The following IQCM variants were observed in gnomAD, a reference collection of about 807,000 sequenced individuals.
IQCM encodes the protein IQ motif containing M.
Under a neutral mutation model 57.6 loss-of-function variants are expected in IQCM, and 45 were observed. That is an observed-to-expected ratio of 0.78 (90% CI 0.62 to 1.00). The LOEUF is 1.00. Among genes scored for constraint, IQCM ranks in the 50% least tolerant of loss-of-function variants. The probability of loss-of-function intolerance (pLI) is 0.00; values close to 1 mark genes in which losing one functional copy is unlikely to be tolerated. For synonymous variants in IQCM, 148 were observed against 158.9 expected (o/e 0.93, Z 0.51); for missense variants, 468 against 511.6 (o/e 0.91, Z 0.82).
At chr4:149,365,210 G>C (rs1729749542) in intron 13 of IQCM, among the ~76,000 whole-genome samples, 1 of 152,042 alleles carries the variant, frequency 6.6e-6, no homozygotes, top group African/African-American at 2.4e-5. Flanking sequence ...TGTAGTGACA[G>C]CAAGTAAGGA....
intron 7 of IQCM, among the ~76,000 whole-genome samples, chr4:149,663,631 CT>C (rs138216788): frequency 6.6e-6 from 1 of 151,510 alleles, no homozygotes; most frequent in East Asian, 2.0e-4. Context: ...AGTTGGTTTT[CT>C]TTTTTTTAGT....
chr4:149,415,257 A>G (rs779006943), intron 13 of IQCM, among the ~76,000 whole-genome samples: 10 of 152,198 alleles, frequency 6.6e-5, no homozygotes, highest in East Asian at 1.9e-4. Flanking sequence ...AAGCTCAATC[A>G]CCATTTCTTG....
intron 8 of IQCM, among the ~76,000 whole-genome samples, chr4:149,613,838 C>A (rs1298111212): frequency 1.3e-5 from 2 of 151,966 alleles, no homozygotes; most frequent in Non-Finnish European, 2.9e-5. Flanking sequence ...TTTGTCCTTG[C>A]AATAGTTTGC....
intron 13 of IQCM, among the ~76,000 whole-genome samples, chr4:149,366,639 C>G (rs946271354): frequency 2.0e-5 from 3 of 151,618 alleles, no homozygotes; most frequent in Non-Finnish European, 4.4e-5. Flanking sequence ...AGTGGAAAGT[C>G]GATTAGCTTA....
intron 12 of IQCM, among the ~76,000 whole-genome samples, chr4:149,542,202 TAAAGG>T (rs975258317): frequency 1.3e-5 from 2 of 152,074 alleles, no homozygotes; most frequent in South Asian, 2.1e-4. Flanking sequence ...CCCCTTTCTG[TAAAGG>T]AAAGTTTCCC....
chr4:149,441,991 C>A (rs558056667), intron 12 of IQCM, among the ~76,000 whole-genome samples: 1 of 152,220 alleles, frequency 6.6e-6, no homozygotes, highest in East Asian at 1.9e-4. Flanking sequence ...GTTGCTAGCA[C>A]CTTGATCTTG....
At chr4:149,751,832 G>A (rs534236912) in intron 2 of IQCM, among the ~76,000 whole-genome samples, 7 of 152,222 alleles carry the variant, frequency 4.6e-5, no homozygotes, top group African/African-American at 7.2e-5. Context: ...CAGCAGACTC[G>A]GGGAGGGTGG....
intron 12 of IQCM, among the ~76,000 whole-genome samples, chr4:149,526,032 A>C (rs535291309): frequency 6.6e-6 from 1 of 152,076 alleles, no homozygotes; most frequent in African/African-American, 2.4e-5. Context: ...CACACTCATC[A>C]CATTGGCAAA....
At chr4:149,702,571 C>T (rs766697422) in intron 5 of IQCM, among the ~76,000 whole-genome samples, 1 of 151,860 alleles carries the variant, frequency 6.6e-6, no homozygotes, top group Non-Finnish European at 1.5e-5. Context: ...AAGATGCCTC[C>T]TCAAGTTCAA....
chr4:149,654,417 C>T (rs1340301675), intron 7 of IQCM, among the ~76,000 whole-genome samples: 5 of 151,926 alleles, frequency 3.3e-5, no homozygotes, highest in African/African-American at 1.2e-4. Flanking sequence ...TGTGTGGCAC[C>T]AACTCCCTCA....
At chr4:149,398,373 G>C (rs1038178273) in intron 13 of IQCM, among the ~76,000 whole-genome samples, 2 of 151,924 alleles carry the variant, frequency 1.3e-5, no homozygotes, top group African/African-American at 4.8e-5. Flanking sequence ...ATGAATTATA[G>C]AATTTTTTTC....
At chr4:149,737,796 G>C (rs548634579) in intron 3 of IQCM, 1 of 152,266 alleles carries the variant, frequency 6.6e-6, no homozygotes, top group African/African-American at 2.4e-5. Flanking sequence ...TTACTTCATG[G>C]AGGAAAGCCA....
At chr4:149,506,901 T>C (rs1743876375) in intron 12 of IQCM, among the ~76,000 whole-genome samples, 1 of 152,106 alleles carries the variant, frequency 6.6e-6, no homozygotes, top group Non-Finnish European at 1.5e-5. Context: ...AGTGAAAGAA[T>C]AAATGATACT....
intron 2 of IQCM, among the ~76,000 whole-genome samples, chr4:149,802,800 A>G (rs1174114518): frequency 6.6e-6 from 1 of 151,946 alleles, no homozygotes; most frequent in Admixed American, 6.6e-5. Flanking sequence ...GATATTTCCT[A>G]AAAGTTCTTT....
At chr4:149,487,167 T>A (rs897424990) in intron 12 of IQCM, among the ~76,000 whole-genome samples, 4 of 152,074 alleles carry the variant, frequency 2.6e-5, no homozygotes, top group African/African-American at 9.7e-5. Flanking sequence ...AAAGACTGGA[T>A]CCTTCCCTTC....
At chr4:149,588,719 C>T (rs1377811373) in intron 8 of IQCM, among the ~76,000 whole-genome samples, 1 of 151,874 alleles carries the variant, frequency 6.6e-6, no homozygotes, top group Non-Finnish European at 1.5e-5. Context: ...ACCCCACGGA[C>T]ACCTTAATCT....
At chr4:149,567,111 C>A (rs957362185) in intron 9 of IQCM, among the ~76,000 whole-genome samples, 1 of 152,092 alleles carries the variant, frequency 6.6e-6, no homozygotes. Context: ...GCCCAAATAT[C>A]AAAAAGTTCC....
chr4:149,786,878 C>T (rs559603883), intron 2 of IQCM, among the ~76,000 whole-genome samples: 17 of 152,282 alleles, frequency 1.1e-4, no homozygotes, highest in Non-Finnish European at 2.2e-4. Flanking sequence ...CACATGCACA[C>T]ATATGTTTAT....
rs1746235048 is a variant in IQCM at position 149,527,086 on chromosome 4, T to A, written c.1228+21369A>T. Among the ~76,000 whole-genome samples, 7 of 152,276 alleles carry A rather than the reference T, an allele frequency of 4.6e-5. No individual in the cohort carries two copies. The South Asian group carries it at 1.4e-3, about 32-fold the overall frequency. The stretch of plus-strand genomic sequence containing the variant: ...TTATCTCAGCGAGAACTAACGGGAA[T>A]CAGCATATCAACTTGCTATAAAAAT... On this transcript the variant is annotated intron_variant, in intron 12 of 13. Coordinates refer to ENST00000636793, the MANE Select transcript of IQCM (RefSeq NM_001363507.2).
Sources: allele counts gnomAD v4.1 joint callset (sites outside exome capture counted in the v4.1 genomes callset), GRCh38; gene constraint gnomAD v4.1.1; transcripts MANE v1.5; gene names NCBI Gene and HGNC (gene_info 2026-07-23, HGNC 2026-07-21).